The following NIBAN2 variants were observed in gnomAD, a reference collection of about 807,000 sequenced individuals.
NIBAN2 encodes the protein protein Niban 2.
Under a neutral mutation model 81.8 loss-of-function variants are expected in NIBAN2, and 36 were observed. The ratio of observed to expected loss-of-function variants is 0.44; its 90% CI spans 0.34 to 0.58. The LOEUF is 0.58. Ranked by LOEUF, NIBAN2 falls within the 20% of genes least tolerant of loss-of-function variation. The probability of loss-of-function intolerance (pLI) is 0.02; values close to 1 mark genes in which losing one functional copy is unlikely to be tolerated. For missense variants in NIBAN2, 897 were observed against 1,014.1 expected (o/e 0.88, Z 1.57); for synonymous variants, 445 against 441.6 (o/e 1.01, Z -0.10).
chr9:127,523,822 G>A lies in NIBAN2; in HGVS notation c.446C>T (p.Ala149Val). The A allele has an allele frequency of 6.2e-7, 1 of 1,612,492 alleles. No homozygotes were observed. The highest frequency in any genetic ancestry group is 8.5e-7 in the Non-Finnish European group (1 of 1,178,654). ...LPGTTAKSGSAPILKCPTQFP... is the reference protein window; with the variant it reads ...LPGTTAKSGSVPILKCPTQFP... ...CTGTGTGGGGCACTTGAGGATGGGG[G>A]CACTGCCCGACTTTGCCGTGGTCCC... The change falls in exon 5 of 14, where the codon GCC becomes GTC. Residue 149 changes from alanine (A) to valine (V), a missense_variant. Coordinates refer to ENST00000373312, the MANE Select transcript of NIBAN2 (RefSeq NM_022833.4).
At chr9:127,542,843 C>T (rs1837406135) in intron 1 of NIBAN2, among the ~76,000 whole-genome samples, 2 of 152,274 alleles carry the variant, frequency 1.3e-5, no homozygotes. Flanking sequence ...CTGCCTCAGC[C>T]TCCCCAGTAG....
At chr9:127,558,840 C>G (rs951855264) in intron 1 of NIBAN2, among the ~76,000 whole-genome samples, 13 of 152,326 alleles carry the variant, frequency 8.5e-5, no homozygotes, top group Admixed American at 3.3e-4. Flanking sequence ...CCTAAGAATT[C>G]AGCTAAAACG....
At position 127,525,057 on chromosome 9, in the gene NIBAN2, C is replaced by A. The variant is rs1241764367; in HGVS notation, c.421+1G>T. The A allele has an allele frequency of 6.2e-7, 1 of 1,611,402 alleles. No individual in the cohort carries two copies. The highest frequency in any genetic ancestry group is 8.5e-7 in the Non-Finnish European group (1 of 1,177,522). On this transcript the variant is annotated splice_donor_variant, in intron 4 of 13. Coordinates refer to ENST00000373312, the MANE Select transcript of NIBAN2 (RefSeq NM_022833.4). LOFTEE classifies it high-confidence loss of function. ...GTGGCCTGGGATGGGTGCTCCTTTACCTGGTAAGGAGTTGCCAATGAGCTC... is the reference window on the plus strand; with the variant it reads ...GTGGCCTGGGATGGGTGCTCCTTTAACTGGTAAGGAGTTGCCAATGAGCTC...
rs1293064470 is a variant in NIBAN2, at chr9:127,574,485, C to CAG, written c.16+4435_16+4436dup. Among the ~76,000 whole-genome samples the CAG allele has an allele frequency of 3.9e-5, 6 of 152,140 alleles. No individual in the cohort carries two copies. In the East Asian group the frequency reaches 1.2e-3, roughly 29 times the overall value. The stretch of plus-strand genomic sequence containing the variant: ...CAGAGCCAGAGCTTGGACCGAGACT[C>CAG]AGAGAAGGAAAGCAATTTGCCCAAG... On this transcript the variant is annotated intron_variant, in intron 1 of 13. Transcript: ENST00000373314.
chr9:127,505,882 C>CCCACCCA lies in NIBAN2; in HGVS notation c.*956_*962dup, dbSNP rs1348720818. ...CCTGACCCCAGACCCTCAGGGAGGG[C>CCCACCCA]CCACCCAACCTGTACCCCTCAGGAG... On this transcript the variant is annotated 3_prime_UTR_variant, in exon 14 of 14. Coordinates refer to ENST00000373312, the MANE Select transcript of NIBAN2 (RefSeq NM_022833.4). 6.6e-6 allele frequency: 1 copy of CCCACCCA among 152,332 alleles called. No homozygotes were observed. The highest frequency in any genetic ancestry group is 1.5e-5 in the Non-Finnish European group (1 of 68,162). The allele number at this position is 152,332 out of a possible 1,614,324, so 9.4% of individuals were successfully genotyped here.
In NIBAN2 at chr9:127,509,096, G is replaced by A; in HGVS notation, c.1197C>T (p.Pro399=). Residue 399 remains proline, a synonymous_variant, in exon 10 of 14, where the codon CCC becomes CCT. Transcript: ENST00000373312. ...TCTCATAGCAGCTCTGCATCTTCAGGGGGTGGTACGCCAGCCGGGACAGCT... is the reference window on the plus strand; with the variant it reads ...TCTCATAGCAGCTCTGCATCTTCAGAGGGTGGTACGCCAGCCGGGACAGCT... The part of the protein sequence containing the change: ...MEKLSRLAYH[P]LKMQSCYEKM... 1 of 1,613,032 alleles carries A rather than the reference G, an allele frequency of 6.2e-7. No individual in the cohort carries two copies. Among genetic ancestry groups the A allele is most frequent in the Non-Finnish European group, 8.5e-7 (1 of 1,179,866 alleles).
At chr9:127,511,938 A>C (rs2263588) in intron 8 of NIBAN2, among the ~76,000 whole-genome samples, 100,798 of 151,692 alleles carry the variant, frequency 0.66, 34,609 homozygotes, top group Middle Eastern at 0.77. Flanking sequence ...AAAAAAAAGA[A>C]AATAACAAAT....
intron 1 of NIBAN2, among the ~76,000 whole-genome samples, chr9:127,562,074 A>T (rs1588189047): frequency 6.6e-6 from 1 of 152,112 alleles, no homozygotes; most frequent in South Asian, 2.1e-4. Flanking sequence ...GCAGGGACGG[A>T]GAATGGGGCT....
At chr9:127,516,646 A>G (rs1229994816) in intron 8 of NIBAN2, among the ~76,000 whole-genome samples, 2 of 152,226 alleles carry the variant, frequency 1.3e-5, no homozygotes, top group South Asian at 2.1e-4. Context: ...CCTCCAGAAC[A>G]AAAATTTTTC....
At chr9:127,551,725 A>G (rs1837580597) in intron 1 of NIBAN2, among the ~76,000 whole-genome samples, 1 of 151,826 alleles carries the variant, frequency 6.6e-6, no homozygotes, top group Non-Finnish European at 1.5e-5. Context: ...TAAAAAAAAA[A>G]GAAAGAAAGA....
At chr9:127,567,394 C>T (rs1050631977) in intron 1 of NIBAN2, among the ~76,000 whole-genome samples, 11 of 152,168 alleles carry the variant, frequency 7.2e-5, no homozygotes, top group Non-Finnish European at 1.5e-5. Flanking sequence ...CTTTCCAGGA[C>T]TTAACCCCAC....
chr9:127,556,305 T>A (rs11789116), intron 1 of NIBAN2, among the ~76,000 whole-genome samples: 13,373 of 151,922 alleles, frequency 0.088, 853 homozygotes, highest in Non-Finnish European at 0.13. Context: ...GGGCAGGGGG[T>A]ACGTCACCAC....
intron 8 of NIBAN2, among the ~76,000 whole-genome samples, chr9:127,516,510 C>G (rs1836832949): frequency 6.6e-6 from 1 of 152,152 alleles, no homozygotes; most frequent in Admixed American, 6.5e-5. Context: ...GATCGCACCA[C>G]TACATTCCAG....
chr9:127,534,983 G>T (rs1837248214), intron 1 of NIBAN2, among the ~76,000 whole-genome samples: 1 of 152,184 alleles, frequency 6.6e-6, no homozygotes, highest in Non-Finnish European at 1.5e-5. Flanking sequence ...TGAACCCAGA[G>T]AATCTCCATG....
intron 1 of NIBAN2, among the ~76,000 whole-genome samples, chr9:127,564,645 G>A (rs1837827386): frequency 1.3e-5 from 2 of 152,118 alleles, no homozygotes; most frequent in Non-Finnish European, 2.9e-5. Context: ...GGTCGAGGTG[G>A]GTGGATCACC....
chr9:127,548,367 C>T (rs1837513091), intron 1 of NIBAN2, among the ~76,000 whole-genome samples: 1 of 152,170 alleles, frequency 6.6e-6, no homozygotes, highest in South Asian at 2.1e-4. Flanking sequence ...GCCTTGCCGC[C>T]TCTCCCTTAG....
chr9:127,522,363 C>T (rs571481089), intron 5 of NIBAN2, among the ~76,000 whole-genome samples: 15 of 152,304 alleles, frequency 9.8e-5, no homozygotes, highest in African/African-American at 3.4e-4. Context: ...TCCACCTCTG[C>T]ACCATGTGGC....
Position 127,523,824 on chromosome 9 carries a change from A to G in NIBAN2, c.444T>C (p.Ser148=), listed in dbSNP as rs1476770679. The G allele has an allele frequency of 6.2e-7, 1 of 1,612,068 alleles. No individual in the cohort carries two copies. Among genetic ancestry groups the G allele is most frequent in the Non-Finnish European group, 8.5e-7 (1 of 1,178,430 alleles). Residue 148 remains serine, a synonymous_variant, in exon 5 of 14, where the codon AGT becomes AGC. Transcript: ENST00000373312. The part of the protein sequence containing the change: ...SLPGTTAKSG[S]APILKCPTQF... ...GTGTGGGGCACTTGAGGATGGGGGCACTGCCCGACTTTGCCGTGGTCCCTG... is the reference window on the plus strand; with the variant it reads ...GTGTGGGGCACTTGAGGATGGGGGCGCTGCCCGACTTTGCCGTGGTCCCTG...
chr9:127,567,393 A>G (rs1015592454), intron 1 of NIBAN2, among the ~76,000 whole-genome samples: 2 of 152,076 alleles, frequency 1.3e-5, no homozygotes, highest in African/African-American at 2.4e-5. Flanking sequence ...GCTTTCCAGG[A>G]CTTAACCCCA....
Sources: gnomAD v4.1 joint callset for allele counts (sites outside exome capture counted in the v4.1 genomes callset) on GRCh38, gnomAD v4.1.1 for gene constraint, MANE v1.5 for transcripts, NCBI Gene and HGNC (gene_info 2026-07-23, HGNC 2026-07-21) for gene names.